The following NFRKB variants were observed in gnomAD, a reference collection of about 807,000 sequenced individuals.
The protein encoded by NFRKB is nuclear factor related to kappa-B-binding protein.
In NFRKB, 62 loss-of-function variants were observed where a neutral mutation model predicts 135.7. That is an observed-to-expected ratio of 0.46 (90% CI 0.37 to 0.56). NFRKB has a LOEUF of 0.56. NFRKB is among the 20% of genes least tolerant of loss of function. The pLI, the probability that NFRKB is intolerant of heterozygous loss-of-function variation, is 0.00. For synonymous variants in NFRKB, 678 were observed against 635.6 expected, an observed-to-expected ratio of 1.07 and a Z score of -1.00; for missense variants, 1,545 against 1,662.0, an observed-to-expected ratio of 0.93 and a Z score of 1.22.
At chr11:129,891,440 G>C (rs1345460689) in intron 3 of NFRKB, among the ~76,000 whole-genome samples, 2 of 152,180 alleles carry the variant, frequency 1.3e-5, no homozygotes, top group Non-Finnish European at 2.9e-5. Flanking sequence ...CATAAATAAT[G>C]ATCAGCTCAT....
intron 24 of NFRKB, among the ~76,000 whole-genome samples, chr11:129,868,151 T>C (rs930392470): frequency 1.3e-5 from 2 of 152,098 alleles, no homozygotes; most frequent in Non-Finnish European, 2.9e-5. Flanking sequence ...AGACTCCATA[T>C]ATAAGGTTAA....
In NFRKB at chr11:129,892,890, T is replaced by C; in HGVS notation, c.-21-20A>G. On this transcript the variant is annotated intron_variant, in intron 2 of 26. Coordinates refer to ENST00000682444, the MANE Select transcript of NFRKB (RefSeq NM_001143835.2). Reference sequence around the variant, plus strand: ...GGTACTCTGGACAAAGACATGCATCTTGAGACAGAAAGGCAGAAATTCCAG... The same window carrying C: ...GGTACTCTGGACAAAGACATGCATCCTGAGACAGAAAGGCAGAAATTCCAG... 1 of 1,613,894 alleles carries C rather than the reference T, an allele frequency of 6.2e-7. No homozygotes were observed. Among genetic ancestry groups the C allele is most frequent in the Non-Finnish European group, 8.5e-7 (1 of 1,179,796 alleles).
Position 129,882,612 on chromosome 11 carries a change from G to A in NFRKB, c.921C>T (p.Val307=). Residue 307 remains valine, a synonymous_variant, in exon 10 of 27, where the codon GTC becomes GTT. Transcript: ENST00000682444. ...GSLAALYDLA[V]LKKKVKEKEE... ...CTTTTTCCTTAACCTTTTTTTTAAGGACAGCCAAGTCATATAAGGCTAGAA... is the reference window on the plus strand; with the variant it reads ...CTTTTTCCTTAACCTTTTTTTTAAGAACAGCCAAGTCATATAAGGCTAGAA... 6.2e-7 allele frequency: 1 copy of A among 1,613,118 alleles called. No individual in the cohort carries two copies. Among genetic ancestry groups the A allele is most frequent in the Non-Finnish European group, 8.5e-7 (1 of 1,179,856 alleles).
Position 129,879,587 on chromosome 11 carries a change from A to C in NFRKB, c.1385-1044T>G, listed in dbSNP as rs147759892. ...CTATGGAGGCAAATGACCACTCCCC[A>C]CTTCTCAGGCGATCCGGTCTCCTGG... On this transcript the variant is annotated intron_variant, in intron 13 of 26. Transcript: ENST00000682444. 5.8e-3 allele frequency among the ~76,000 whole-genome samples: 889 copies of C among 152,134 alleles called. 15 individuals carry two copies. Among genetic ancestry groups the C allele is most frequent in the African/African-American group, 0.02 (830 of 41,488 alleles).
chr11:129,878,623 A>G, intron 13 of NFRKB, 80 bp from the exon 14 acceptor site: 1 of 1,120,608 alleles, frequency 8.9e-7, no homozygotes, highest in Non-Finnish European at 1.3e-6. Flanking sequence ...TACTAGCTGT[A>G]ACTACAACAC....
chr11:129,870,181 C>G lies in NFRKB; in HGVS notation c.2844G>C (p.Gln948His). ...GCGGCAGACGCAATACATCCTTACC[C>G]TGGATGCGGAAGTTAGTGGCTGTGA... ...IPLTATNFRI[Q>H]GKDVLRLPPS... is the part of the protein sequence containing the mutation. Residue 948 changes from glutamine to histidine, a missense_variant, in exon 24 of 27, where the codon CAG (glutamine) becomes CAC (histidine). Coordinates refer to ENST00000682444, the MANE Select transcript of NFRKB (RefSeq NM_001143835.2). The G allele has an allele frequency of 6.2e-7, 1 of 1,614,216 alleles. No homozygotes were observed. Among genetic ancestry groups the G allele is most frequent in the Non-Finnish European group, 8.5e-7 (1 of 1,180,038 alleles).
intron 24 of NFRKB, among the ~76,000 whole-genome samples, chr11:129,868,149 T>C (rs1199382318): frequency 1.3e-5 from 2 of 152,088 alleles, no homozygotes; most frequent in Non-Finnish European, 2.9e-5. Flanking sequence ...AAAGACTCCA[T>C]ATATAAGGTT....
intron 4 of NFRKB, 73 bp from the exon 5 acceptor site, chr11:129,886,517 T>C (rs185612619): frequency 1.5e-6 from 2 of 1,378,728 alleles, no homozygotes; most frequent in East Asian, 2.3e-5. Flanking sequence ...ATATATTGAA[T>C]GAGTGCTTAA....
rs1021546970 is a variant in NFRKB at position 129,874,473 on chromosome 11, G to C, written c.2058+28C>G. ...AGTTGCCTCCATCCCAGAATCCCTA[G>C]GGCAGACACTCTCCTGAAGTCACTT... On this transcript the variant is annotated intron_variant, in intron 20 of 26. Coordinates refer to ENST00000682444, the MANE Select transcript of NFRKB (RefSeq NM_001143835.2). The surrounding 1 kb of genome is among the most constrained non-coding windows in gnomAD (Gnocchi z 4.5). 8 of 1,606,056 alleles carry C rather than the reference G, an allele frequency of 5.0e-6. No individual in the cohort carries two copies. In the South Asian group the frequency reaches 7.8e-5, roughly 16 times the overall value.
Position 129,874,016 on chromosome 11 carries a change from C to T in NFRKB, c.2280-1G>A. 6.2e-7 allele frequency: 1 copy of T among 1,608,116 alleles called. No individual in the cohort carries two copies. Among genetic ancestry groups the T allele is most frequent in the Non-Finnish European group, 8.5e-7 (1 of 1,175,436 alleles). On this transcript the variant is annotated splice_acceptor_variant, in intron 21 of 26. Transcript: ENST00000682444. LOFTEE classifies it high-confidence loss of function. The surrounding 1 kb of genome is among the most constrained non-coding windows in gnomAD (Gnocchi z 4.5). ...TGTTGGTGAAGACACCAGAAGAACA[C>T]TATGAAGAACATCGGGGAAAGACAA...
rs199956049 is a variant in NFRKB at position 129,876,892 on chromosome 11, G to A, written c.1576C>T (p.Arg526Cys). ...EEKRVFQEQERYRYSQPHKAF... is the reference protein window; with the variant it reads ...EEKRVFQEQECYRYSQPHKAF... Reference sequence around the variant, plus strand: ...TTATGGGGTTGGCTATACCTGTAACGCTCCTACCAAGAGACAAGGGACAAG... The same window carrying A: ...TTATGGGGTTGGCTATACCTGTAACACTCCTACCAAGAGACAAGGGACAAG... The change falls in exon 17 of 27, where the codon CGT (arginine) becomes TGT (cysteine). Residue 526 changes from arginine to cysteine, a missense_variant. By Grantham distance (180) the Arg-to-Cys change is radical (BLOSUM62 -3). Transcript: ENST00000682444. The A allele has an allele frequency of 7.4e-5, 119 of 1,613,100 alleles. No homozygotes were observed. The highest frequency in any genetic ancestry group is 9.4e-5 in the Non-Finnish European group (111 of 1,179,630).
intron 10 of NFRKB, 113 bp from the exon 11 acceptor site, chr11:129,882,307 A>C: frequency 7.5e-7 from 1 of 1,341,306 alleles, no homozygotes; most frequent in South Asian, 1.4e-5. Context: ...AGGAGCAAAC[A>C]ATATATTTTC....
At chr11:129,877,115 T>A (rs988123870) in intron 16 of NFRKB, among the ~76,000 whole-genome samples, 9 of 152,208 alleles carry the variant, frequency 5.9e-5, no homozygotes, top group South Asian at 2.1e-4. Context: ...TGAAGGCACT[T>A]TGCTACCTGG....
chr11:129,878,767 T>C (rs1333599872), intron 13 of NFRKB, among the ~76,000 whole-genome samples: 1 of 152,170 alleles, frequency 6.6e-6, no homozygotes, highest in African/African-American at 2.4e-5. Flanking sequence ...ATTCGCTGAG[T>C]ATCCACTGTG....
At position 129,884,735 on chromosome 11, in the gene NFRKB, T is replaced by C. The variant is rs372595393; in HGVS notation, c.742+10A>G. 18 of 1,613,256 alleles carry C rather than the reference T, an allele frequency of 1.1e-5. No homozygotes were observed. Among genetic ancestry groups the C allele is most frequent in the Middle Eastern group, 1.8e-4 (1 of 5,542 alleles). ...TCCCAGAATGGTGACAGCGGCAGCT[T>C]GGTTCTCACCTGCAGTTTTCATATC... On this transcript the variant is annotated intron_variant, in intron 7 of 26. Transcript: ENST00000682444.
intron 17 of NFRKB, 142 bp from the exon 18 acceptor site, chr11:129,875,605 G>A: frequency 1.8e-6 from 1 of 561,728 alleles, no homozygotes; most frequent in Non-Finnish European, 3.1e-6. Flanking sequence ...GGTGCACTCT[G>A]CCCTCCAGCA....
intron 4 of NFRKB, among the ~76,000 whole-genome samples, chr11:129,887,398 A>C (rs1170927831): frequency 6.6e-6 from 1 of 152,178 alleles, no homozygotes; most frequent in Non-Finnish European, 1.5e-5. Context: ...CCCCTTAACC[A>C]AGTGAGCAAA....
chr11:129,882,536 G>A lies in NFRKB; in HGVS notation c.997C>T (p.Leu333=), dbSNP rs1949080862. The part of the protein sequence containing the change: ...IKTIKSEAED[L]AEPLSSTEGV... ...TCAGTACTGCTTAGCGGCTCGGCCA[G>A]GTCCTCTGCCTCTGATTTGATCGTT... is the stretch of plus-strand genomic sequence containing the variant. Residue 333 remains leucine, a synonymous_variant, in exon 10 of 27, where the codon CTG becomes TTG. Coordinates refer to ENST00000682444, the MANE Select transcript of NFRKB (RefSeq NM_001143835.2). 3 of 1,613,928 alleles carry A rather than the reference G, an allele frequency of 1.9e-6. No individual in the cohort carries two copies. Among genetic ancestry groups the A allele is most frequent in the Admixed American group, 1.7e-5 (1 of 59,998 alleles).
rs1175111715 is a variant in NFRKB at position 129,885,570 on chromosome 11, G to C, written c.505C>G (p.Pro169Ala). 5.6e-6 allele frequency: 9 copies of C among 1,613,704 alleles called. No individual in the cohort carries two copies. Among genetic ancestry groups the C allele is most frequent in the Middle Eastern group, 1.6e-4 (1 of 6,082 alleles). Reference sequence around the variant, plus strand: ...GGTGAAGGGCGTTTCTGCCGGAAGGGAAGGGCGGGGCCACTCCGCCGGGCC... The same window carrying C: ...GGTGAAGGGCGTTTCTGCCGGAAGGCAAGGGCGGGGCCACTCCGCCGGGCC... The part of the protein sequence containing the change: ...EMARRSGPAL[P>A]FRQKRPSPSR... The change falls in exon 6 of 27, where the codon CCC becomes GCC. Residue 169 changes from proline to alanine, a missense_variant. Physicochemically the swap from Pro to Ala is conservative, Grantham distance 27. Coordinates refer to ENST00000682444, the MANE Select transcript of NFRKB (RefSeq NM_001143835.2).
Sources: gnomAD v4.1 joint callset for allele counts (sites outside exome capture counted in the v4.1 genomes callset) on GRCh38, gnomAD v4.1.1 for gene constraint, Gnocchi (gnomAD v3.1) non-coding constraint, MANE v1.5 for transcripts, NCBI Gene and HGNC (gene_info 2026-07-23, HGNC 2026-07-21) for gene names.